SLC12A7: variants seen among roughly 807,000 people sequenced by gnomAD.
SLC12A7 encodes K-Cl cotransporter 4.
In SLC12A7, 100 loss-of-function variants were observed where a neutral mutation model predicts 120.6. The ratio of observed to expected loss-of-function variants is 0.83; its 90% confidence interval spans 0.71 to 0.98. SLC12A7 has a LOEUF of 0.98. Ranked by LOEUF, SLC12A7 falls within the 50% of genes least tolerant of loss-of-function variation. SLC12A7 has a pLI of 0.00. For synonymous variants in SLC12A7, 760 were observed against 678.0 expected (o/e 1.12, Z -1.88); for missense variants, 1,373 against 1,548.1 (o/e 0.89, Z 1.90).
chr5:1,099,528 G>A (rs1182805476), intron 1 of SLC12A7, among the ~76,000 whole-genome samples: 1 of 151,566 alleles, frequency 6.6e-6, no homozygotes, highest in Admixed American at 6.5e-5. Flanking sequence ...GCGGGTCAGA[G>A]GATTGATCCC....
intron 1 of SLC12A7, among the ~76,000 whole-genome samples, chr5:1,097,972 C>A (rs561702033): frequency 6.6e-6 from 1 of 152,132 alleles, no homozygotes; most frequent in South Asian, 2.1e-4. Context: ...ACAGCCAGGT[C>A]AGACCTGAAC....
the SLC12A7 span, among the ~76,000 whole-genome samples, chr5:1,147,562 G>A: frequency 3.3e-5 from 5 of 152,104 alleles, no homozygotes; most frequent in Admixed American, 6.5e-5. Flanking sequence ...GAAGCCAAGT[G>A]ATTCTTTCCA....
intron 15 of SLC12A7, 59 bp from the exon 16 acceptor site, chr5:1,074,730 T>C (rs1738129278): frequency 2.6e-6 from 4 of 1,517,406 alleles, no homozygotes; most frequent in Non-Finnish European, 3.6e-6. Flanking sequence ...CTCTCCCACC[T>C]GGGAAAGGGG....
intron 1 of SLC12A7, among the ~76,000 whole-genome samples, chr5:1,104,548 A>G (rs1742320953): frequency 1.3e-5 from 2 of 152,128 alleles, no homozygotes; most frequent in South Asian, 4.1e-4. Flanking sequence ...CCAGCCCCCA[A>G]ACTTCCCAGA....
At chr5:1,054,281 G>A (rs1421857455) in intron 22 of SLC12A7, among the ~76,000 whole-genome samples, 1 of 152,246 alleles carries the variant, frequency 6.6e-6, no homozygotes, top group Non-Finnish European at 1.5e-5. Context: ...TGAAGCTGCT[G>A]TGGCCGGTCC....
At chr5:1,133,918 C>G in the SLC12A7 span, among the ~76,000 whole-genome samples, 1 of 152,122 alleles carries the variant, frequency 6.6e-6, no homozygotes, top group Non-Finnish European at 1.5e-5. Context: ...GGCTCTTGTT[C>G]TAACCGCTGC....
At chr5:1,099,567 T>C (rs1397539610) in intron 1 of SLC12A7, among the ~76,000 whole-genome samples, 2 of 152,060 alleles carry the variant, frequency 1.3e-5, no homozygotes, top group Admixed American at 6.5e-5. Flanking sequence ...GAATGAGCCA[T>C]GGTACCGACC....
rs200705160 is a variant in SLC12A7 at position 1,076,250 on chromosome 5, C to T, written c.1749-14G>A. On this transcript the variant is annotated splice_polypyrimidine_tract_variant and intron_variant, in intron 13 of 23. Transcript: ENST00000264930. ...ATGAGGAAGAACCTGCAGGGACGGC[C>T]GGCCACTGATACGGGCCCACTGGGC... The T allele has an allele frequency of 7.5e-6, 12 of 1,594,310 alleles. No individual in the cohort carries two copies. Among genetic ancestry groups the T allele is most frequent in the East Asian group, 4.5e-5 (2 of 43,964 alleles).
intron 14 of SLC12A7, chr5:1,075,854 G>A (rs2094088657): frequency 1.2e-5 from 6 of 511,030 alleles, no homozygotes; most frequent in Non-Finnish European, 6.9e-6. Context: ...TGGGAAGGCT[G>A]GGCTGACCAC....
intron 1 of SLC12A7, among the ~76,000 whole-genome samples, chr5:1,095,062 G>A (rs1312675435): frequency 7.6e-6 from 1 of 130,932 alleles, no homozygotes; most frequent in Admixed American, 7.4e-5. Flanking sequence ...GGGCCGGTAG[G>A]AGGTGGGGCC....
At position 1,063,837 on chromosome 5, in the gene SLC12A7, G is replaced by A; in HGVS notation, c.2739+7C>T. 1 of 1,547,924 alleles carries A rather than the reference G, an allele frequency of 6.5e-7. No homozygotes were observed. Among genetic ancestry groups the A allele is most frequent in the African/African-American group, 1.4e-5 (1 of 70,700 alleles). On this transcript the variant is annotated splice_region_variant and intron_variant, in intron 20 of 23. Transcript: ENST00000264930. Reference sequence around the variant, plus strand: ...CGGCCTCCTCCCCTCAAGCCCTCGGGACTCACCATCTCCACCACCTCCACC... The same window carrying A: ...CGGCCTCCTCCCCTCAAGCCCTCGGAACTCACCATCTCCACCACCTCCACC...
the SLC12A7 span, among the ~76,000 whole-genome samples, chr5:1,147,536 C>T: frequency 1.3e-5 from 2 of 152,268 alleles, no homozygotes; most frequent in South Asian, 2.1e-4. Context: ...ACCTTGGTCT[C>T]CACAGCCCCT....
chr5:1,131,376 G>A, the SLC12A7 span, among the ~76,000 whole-genome samples: 4 of 152,218 alleles, frequency 2.6e-5, no homozygotes, highest in East Asian at 3.9e-4. Context: ...GCTGAAGGGT[G>A]TGGGGGAGGG....
chr5:1,137,694 G>C, the SLC12A7 span, among the ~76,000 whole-genome samples: 2 of 152,232 alleles, frequency 1.3e-5, no homozygotes, highest in African/African-American at 2.4e-5. Context: ...CCACACATCT[G>C]GGCGATTCGG....
chr5:1,085,919 A>G (rs1739817408), intron 6 of SLC12A7, among the ~76,000 whole-genome samples: 1 of 152,218 alleles, frequency 6.6e-6, no homozygotes, highest in Admixed American at 6.5e-5. Context: ...GGACACACAC[A>G]GGGTCTGACC....
the SLC12A7 span, among the ~76,000 whole-genome samples, chr5:1,154,354 A>AGCACACACACAC: frequency 7.1e-6 from 1 of 141,810 alleles, no homozygotes; most frequent in African/African-American, 2.6e-5. Flanking sequence ...TGGTGTCCGC[A>AGCACACACACAC]ACACACACAC....
chr5:1,152,532 T>C, the SLC12A7 span, among the ~76,000 whole-genome samples: 1 of 148,410 alleles, frequency 6.7e-6, no homozygotes, highest in Admixed American at 6.7e-5. Flanking sequence ...AAGGGACCCA[T>C]CCCCTAGAGA....
At chr5:1,131,352 C>G in the SLC12A7 span, among the ~76,000 whole-genome samples, 1 of 152,322 alleles carries the variant, frequency 6.6e-6, no homozygotes, top group East Asian at 1.9e-4. Flanking sequence ...TTTGGCACCT[C>G]AGCCTCAGCA....
the SLC12A7 span, among the ~76,000 whole-genome samples, chr5:1,139,071 G>GT: frequency 1.2e-4 from 19 of 152,262 alleles, no homozygotes; most frequent in East Asian, 3.5e-3. Context: ...TTGGGGTGGG[G>GT]GGGGGGCTCT....
Sources: gnomAD v4.1 joint callset for allele counts (sites outside exome capture counted in the v4.1 genomes callset) on GRCh38, gnomAD v4.1.1 for gene constraint, MANE v1.5 for transcripts, NCBI Gene and HGNC (gene_info 2026-07-23, HGNC 2026-07-21) for gene names.